PCLO: variants seen among roughly 807,000 people sequenced by gnomAD.
PCLO encodes the protein protein piccolo.
In PCLO, 82 loss-of-function variants were observed where a neutral mutation model predicts 427.5. The observed-to-expected ratio is 0.19, with a 90% CI of 0.16 to 0.23. PCLO has a LOEUF of 0.23. PCLO is among the 10% of genes least tolerant of loss of function. PCLO has a pLI of 1.00. For missense variants in PCLO, 6,239 were observed against 6,115.9 expected, an observed-to-expected ratio of 1.02 and a Z score of -0.67; for synonymous variants, 2,357 against 2,155.4, an observed-to-expected ratio of 1.09 and a Z score of -2.59.
chr7:82,927,291 T>TA (rs1794734814), intron 6 of PCLO, among the ~76,000 whole-genome samples: 1 of 152,184 alleles, frequency 6.6e-6, no homozygotes, highest in African/African-American at 2.4e-5. Flanking sequence ...TTTTCACACA[T>TA]ACGATCCTTG....
intron 9 of PCLO, among the ~76,000 whole-genome samples, chr7:82,898,863 T>A (rs543219002): frequency 6.6e-6 from 1 of 151,572 alleles, no homozygotes; most frequent in Non-Finnish European, 1.5e-5. Context: ...TGTTCAATTT[T>A]ATTTTATCTA....
intron 3 of PCLO, among the ~76,000 whole-genome samples, chr7:82,967,195 TTC>T (rs1217316108): frequency 6.8e-6 from 1 of 147,274 alleles, no homozygotes; most frequent in African/African-American, 2.7e-5. Flanking sequence ...CTTTCTTCTT[TTC>T]TTTTTTTTTT....
chr7:82,763,422 C>A (rs542039418), intron 22 of PCLO, among the ~76,000 whole-genome samples: 83 of 151,886 alleles, frequency 5.5e-4, no homozygotes, highest in Non-Finnish European at 1.1e-3. Flanking sequence ...AACCACATTT[C>A]GAGAATCAGT....
chr7:82,997,157 C>G (rs62458580), intron 3 of PCLO, among the ~76,000 whole-genome samples: 15,905 of 151,958 alleles, frequency 0.1, 991 homozygotes, highest in South Asian at 0.19. Flanking sequence ...AATGAACAGA[C>G]TCTTATCCCT....
chr7:83,081,377 TG>T (rs1231923652), intron 3 of PCLO, among the ~76,000 whole-genome samples: 11 of 151,956 alleles, frequency 7.2e-5, no homozygotes, highest in African/African-American at 2.4e-4. Context: ...ACTTAATGAA[TG>T]AATCATTTTA....
In PCLO at chr7:82,950,137, A is replaced by G; in HGVS notation, c.10451T>C (p.Met3484Thr). 1 of 1,609,992 alleles carries G rather than the reference A, an allele frequency of 6.2e-7. No individual in the cohort carries two copies. The highest frequency in any genetic ancestry group is 8.5e-7 in the Non-Finnish European group (1 of 1,179,188). ...AGCTTTCCTCCTTGATCTAGTAGGCATATCCCACTCATCCTGATCTTCATC... is the reference window on the plus strand; with the variant it reads ...AGCTTTCCTCCTTGATCTAGTAGGCGTATCCCACTCATCCTGATCTTCATC... ...TDDEDQDEWD[M>T]PTRSRRKARV... The change falls in exon 6 of 25, where the codon ATG (methionine) becomes ACG (threonine). Residue 3484 changes from methionine (M) to threonine (T), a missense_variant. Met to Thr is a moderately conservative substitution (Grantham distance 81). Around this residue, in one of 5 missense-constraint regions of PCLO, gnomAD observed 4,677 missense variants for 4,468.4 expected, o/e 1.05. Transcript: ENST00000333891.
chr7:82,846,665 T>C (rs1467179786), intron 11 of PCLO, 31 bp from the exon 12 acceptor site: 1 of 1,450,754 alleles, frequency 6.9e-7, no homozygotes. Flanking sequence ...TTAAGAAAGA[T>C]ATTGAGGAAA....
At chr7:83,081,296 G>T (rs545051273) in intron 3 of PCLO, among the ~76,000 whole-genome samples, 1 of 151,872 alleles carries the variant, frequency 6.6e-6, no homozygotes, top group African/African-American at 2.4e-5. Flanking sequence ...GCCAAATACA[G>T]ATTTTATAAT....
intron 10 of PCLO, among the ~76,000 whole-genome samples, chr7:82,855,590 G>C (rs934152049): frequency 6.6e-6 from 1 of 152,094 alleles, no homozygotes; most frequent in Non-Finnish European, 1.5e-5. Flanking sequence ...GCTTGGACAT[G>C]CAAAAACTGA....
intron 20 of PCLO, chr7:82,820,927 A>G (rs1024818455): frequency 1.2e-5 from 15 of 1,229,666 alleles, no homozygotes; most frequent in African/African-American, 4.7e-5. Flanking sequence ...ACTGTAGTCA[A>G]TATATTACGG....
chr7:82,818,421 C>T (rs1370870987), intron 20 of PCLO, among the ~76,000 whole-genome samples: 1 of 152,170 alleles, frequency 6.6e-6, no homozygotes, highest in Non-Finnish European at 1.5e-5. Flanking sequence ...TGCCTAATGC[C>T]TCACTGGGCT....
At chr7:83,090,409 A>T (rs1362134665) in intron 3 of PCLO, among the ~76,000 whole-genome samples, 1 of 152,180 alleles carries the variant, frequency 6.6e-6, no homozygotes, top group Non-Finnish European at 1.5e-5. Flanking sequence ...TAATTGATCA[A>T]TTAGGAAGTT....
chr7:83,037,498 T>C (rs1303643187), intron 3 of PCLO, among the ~76,000 whole-genome samples: 2 of 151,912 alleles, frequency 1.3e-5, no homozygotes, highest in African/African-American at 4.8e-5. Context: ...CATCAGAAAG[T>C]GTACTCTACT....
intron 3 of PCLO, among the ~76,000 whole-genome samples, chr7:83,041,878 G>C (rs1788982254): frequency 6.6e-6 from 1 of 151,958 alleles, no homozygotes; most frequent in African/African-American, 2.4e-5. Flanking sequence ...AAGTATTTTT[G>C]AATAATATTA....
At chr7:82,890,376 A>G (rs1277063234) in intron 9 of PCLO, among the ~76,000 whole-genome samples, 1 of 152,026 alleles carries the variant, frequency 6.6e-6, no homozygotes, top group Non-Finnish European at 1.5e-5. Context: ...TTTCATGTAC[A>G]TTAGTTCCAC....
rs770361666 is a variant in PCLO at position 82,955,890 on chromosome 7, T to C, written c.5063A>G (p.Lys1688Arg). ...DKYSAESSQK[K>R]TSLYFDEEPE... ...CTCTTCGTCAAAATACAAACTTGTT[T>C]TTTTCTGTGATGACTCTGCAGAATA... Residue 1688 changes from lysine (K) to arginine (R), a missense_variant, in exon 5 of 25, where the codon AAA (lysine) becomes AGA (arginine). By Grantham distance (26) the Lys-to-Arg change is conservative (BLOSUM62 2). This residue lies in a region of PCLO where 4,677 missense variants were observed against 4,468.4 expected (regional missense o/e 1.05). Coordinates refer to ENST00000333891, the MANE Select transcript of PCLO (RefSeq NM_033026.6). 6.2e-7 allele frequency: 1 copy of C among 1,613,942 alleles called. No homozygotes were observed. The highest frequency in any genetic ancestry group is 8.5e-7 in the Non-Finnish European group (1 of 1,179,866).
chr7:82,944,137 TAAAAAAAAA>T (rs71096608), intron 6 of PCLO, among the ~76,000 whole-genome samples: 5 of 33,916 alleles, frequency 1.5e-4, no homozygotes, highest in African/African-American at 5.1e-4. Flanking sequence ...CAAGAATCCA[TAAAAAAAAA>T]AAAAAAAAAA....
intron 3 of PCLO, among the ~76,000 whole-genome samples, chr7:83,014,954 G>A (rs189752970): frequency 1.3e-5 from 2 of 152,104 alleles, no homozygotes; most frequent in East Asian, 1.9e-4. Context: ...ATTACTATGC[G>A]CCAGGTGCTA....
rs1389359728 is a variant in PCLO, at chr7:83,030,020, G to A, written c.3301-63533C>T. Among the ~76,000 whole-genome samples the A allele has an allele frequency of 2.6e-4, 38 of 146,154 alleles. No individual in the cohort carries two copies. In the Admixed American group the frequency reaches 2.6e-3, roughly 10 times the overall value. ...AGATATACCTAATGCTAGATGACGA[G>A]TTAGTGGGTGCAGCGCACCAGCATG... On this transcript the variant is annotated intron_variant, in intron 3 of 24. Transcript: ENST00000333891.
Sources: allele counts gnomAD v4.1 joint callset (sites outside exome capture counted in the v4.1 genomes callset), GRCh38; gene constraint gnomAD v4.1.1; regional missense constraint gnomAD v4.1.1; transcripts MANE v1.5; gene names NCBI Gene and HGNC (gene_info 2026-07-23, HGNC 2026-07-21).